Variants in KDM4C observed in about 807,000 individuals in gnomAD.
KDM4C encodes the protein lysine demethylase 4C.
Under a neutral mutation model 129.3 loss-of-function variants are expected in KDM4C, and 81 were observed. That is an observed-to-expected ratio of 0.63 (90% CI 0.52 to 0.75). The LOEUF is 0.75. KDM4C is among the 30% of genes least tolerant of loss of function. The probability of loss-of-function intolerance (pLI) is 0.00; values close to 1 mark genes in which losing one functional copy is unlikely to be tolerated. For missense variants in KDM4C, 1,457 were observed against 1,304.0 expected, an observed-to-expected ratio of 1.12 and a Z score of -1.81; for synonymous variants, 573 against 456.1, an observed-to-expected ratio of 1.26 and a Z score of -3.26.
rs1842971943 is a variant in KDM4C at position 7,154,406 on chromosome 9, ACT to A, written c.2782-10829_2782-10828del. Among the ~76,000 whole-genome samples, 3 of 152,084 alleles carry A rather than the reference ACT, an allele frequency of 2.0e-5. No individual in the cohort carries two copies. In the South Asian group the frequency reaches 6.2e-4, roughly 32 times the overall value. ...ATGTGCCACGTCTTCATCTGGTGCA[ACT>A]CTGCTCACAGATGGGGCTACCTGCT... On this transcript the variant is annotated intron_variant, in intron 19 of 21. Transcript: ENST00000381309.
chr9:6,884,385 G>A (rs985914126), intron 6 of KDM4C, among the ~76,000 whole-genome samples: 22 of 152,156 alleles, frequency 1.4e-4, no homozygotes, highest in Non-Finnish European at 2.8e-4. Context: ...GAAATTTCAT[G>A]TGTAAATCAA....
intron 1 of KDM4C, among the ~76,000 whole-genome samples, chr9:6,738,846 A>C (rs1452691093): frequency 1.3e-5 from 2 of 150,688 alleles, no homozygotes; most frequent in Non-Finnish European, 3.0e-5. Context: ...TGATCCACCA[A>C]AGTGCTGGGA....
chr9:7,056,885 C>T (rs1830942639), intron 17 of KDM4C, among the ~76,000 whole-genome samples: 1 of 152,162 alleles, frequency 6.6e-6, no homozygotes, highest in African/African-American at 2.4e-5. Flanking sequence ...GAGACAGGGT[C>T]ATTCCTTTCA....
intron 8 of KDM4C, chr9:6,925,524 G>A: frequency 1.1e-6 from 1 of 890,624 alleles, no homozygotes; most frequent in Non-Finnish European, 1.3e-6. Context: ...TCAATCTCCT[G>A]GCATCAAGCA....
At chr9:6,793,701 C>T (rs752723859) in intron 2 of KDM4C, among the ~76,000 whole-genome samples, 41 of 151,992 alleles carry the variant, frequency 2.7e-4, no homozygotes, top group Admixed American at 1.6e-3. Flanking sequence ...CCACCATGCC[C>T]CGCTAATTTT....
chr9:6,723,929 A>C (rs1259740997), intron 1 of KDM4C: 2 of 152,226 alleles, frequency 1.3e-5, no homozygotes, highest in Non-Finnish European at 2.9e-5. Flanking sequence ...AGAAGTGTTA[A>C]GTATGTATAA....
At chr9:7,126,609 C>A (rs1360398414) in intron 18 of KDM4C, among the ~76,000 whole-genome samples, 1 of 152,170 alleles carries the variant, frequency 6.6e-6, no homozygotes, top group Non-Finnish European at 1.5e-5. Context: ...TTGATATACG[C>A]ATGTGTGTAT....
intron 15 of KDM4C, among the ~76,000 whole-genome samples, chr9:7,029,284 C>T (rs529886128): frequency 8.6e-5 from 10 of 115,798 alleles, no homozygotes; most frequent in African/African-American, 3.1e-4. Flanking sequence ...TTCTGGGTTT[C>T]CCCCCACCGT....
At chr9:7,088,213 C>G (rs1156753227) in intron 17 of KDM4C, among the ~76,000 whole-genome samples, 3 of 152,260 alleles carry the variant, frequency 2.0e-5, no homozygotes, top group African/African-American at 7.2e-5. Flanking sequence ...TCGGAAGGAC[C>G]CTTAAAGTGG....
chr9:7,009,962 C>T (rs1468805083), intron 12 of KDM4C, among the ~76,000 whole-genome samples: 1 of 152,068 alleles, frequency 6.6e-6, no homozygotes, highest in Non-Finnish European at 1.5e-5. Flanking sequence ...GTCATGAAGG[C>T]ATAAAATATA....
chr9:7,071,226 T>A (rs1300219317), intron 17 of KDM4C, among the ~76,000 whole-genome samples: 1 of 152,128 alleles, frequency 6.6e-6, no homozygotes, highest in African/African-American at 2.4e-5. Context: ...AAATATTAAT[T>A]CTCCACCAAA....
rs535225557 is a variant in KDM4C, at chr9:7,114,808, A to G, written c.2610+10938A>G. Among the ~76,000 whole-genome samples, 21 of 152,308 alleles carry G rather than the reference A, an allele frequency of 1.4e-4. No individual in the cohort carries two copies. In the East Asian group the frequency reaches 2.1e-3, roughly 15 times the overall value. ...CCCCACGGTGGGGGCACCTGCATTC[A>G]GAAATACTTACATGGGGCTAGGTGC... On this transcript the variant is annotated intron_variant, in intron 18 of 21. Transcript: ENST00000381309.
intron 1 of KDM4C, among the ~76,000 whole-genome samples, chr9:6,765,326 C>G (rs1820402228): frequency 1.3e-5 from 2 of 152,140 alleles, no homozygotes; most frequent in African/African-American, 4.8e-5. Context: ...TCATTTTCCC[C>G]CTTTTCATAC....
At chr9:7,169,989 G>T in intron 21 of KDM4C, 99 bp downstream of exon 21, 1 of 1,577,660 alleles carries the variant, frequency 6.3e-7, no homozygotes, top group Non-Finnish European at 8.6e-7. Flanking sequence ...TGGGCTTTTG[G>T]ATTAATTCTA....
chr9:6,953,424 G>T (rs1011710797), intron 8 of KDM4C, among the ~76,000 whole-genome samples: 2 of 152,194 alleles, frequency 1.3e-5, no homozygotes, highest in African/African-American at 4.8e-5. Flanking sequence ...ATTTTCAAAA[G>T]AAACATTTAA....
chr9:7,047,316 G>A (rs1829544416), intron 16 of KDM4C, among the ~76,000 whole-genome samples: 2 of 151,996 alleles, frequency 1.3e-5, no homozygotes, highest in Admixed American at 1.3e-4. Context: ...TCATAGCAAT[G>A]ATAATAAAAC....
At chr9:6,846,021 C>T (rs548154409) in intron 4 of KDM4C, among the ~76,000 whole-genome samples, 22 of 152,348 alleles carry the variant, frequency 1.4e-4, no homozygotes, top group Middle Eastern at 3.4e-3. Flanking sequence ...GTCACCTGCT[C>T]TCAAGTGAAG....
At chr9:7,087,509 A>C (rs928532903) in intron 17 of KDM4C, among the ~76,000 whole-genome samples, 1 of 152,154 alleles carries the variant, frequency 6.6e-6, no homozygotes, top group Non-Finnish European at 1.5e-5. Context: ...GGTTTTTTAA[A>C]ACTTAGAGTC....
intron 19 of KDM4C, among the ~76,000 whole-genome samples, chr9:7,145,947 C>T (rs893985781): frequency 1.3e-5 from 2 of 152,230 alleles, no homozygotes; most frequent in African/African-American, 4.8e-5. Flanking sequence ...GAAGATGTTG[C>T]TCTCAGGTGT....
Sources: gnomAD v4.1 joint callset for allele counts (sites outside exome capture counted in the v4.1 genomes callset) on GRCh38, gnomAD v4.1.1 for gene constraint, MANE v1.5 for transcripts, NCBI Gene and HGNC (gene_info 2026-07-23, HGNC 2026-07-21) for gene names.